ANK3: variants seen among roughly 807,000 people sequenced by gnomAD.
ANK3 encodes the protein ankyrin 3.
In ANK3, 57 loss-of-function variants were observed where a neutral mutation model predicts 370.9. That is an observed-to-expected ratio of 0.15 (90% CI 0.12 to 0.19). The LOEUF is 0.19. Ranked by LOEUF, ANK3 falls within the 10% of genes least tolerant of loss-of-function variation. The pLI is 1.00. For missense variants in ANK3, 4,439 were observed against 5,302.1 expected, an observed-to-expected ratio of 0.84 and a Z score of 5.06; for synonymous variants, 1,929 against 1,946.3, an observed-to-expected ratio of 0.99 and a Z score of 0.23.
intron 2 of ANK3, among the ~76,000 whole-genome samples, chr10:60,413,711 C>G (rs961066666): frequency 2.6e-5 from 4 of 152,054 alleles, no homozygotes; most frequent in Middle Eastern, 3.2e-3. Flanking sequence ...TAAACTAAAA[C>G]AGGTGGGCTG....
chr10:60,228,027 C>T (rs1377044256), intron 8 of ANK3, among the ~76,000 whole-genome samples: 3 of 152,142 alleles, frequency 2.0e-5, no homozygotes, highest in Non-Finnish European at 4.4e-5. Context: ...GATGACTTTT[C>T]CCAGCAGAAG....
intron 1 of ANK3, among the ~76,000 whole-genome samples, chr10:60,630,396 G>T (rs969382114): frequency 2.6e-5 from 4 of 152,154 alleles, no homozygotes; most frequent in African/African-American, 9.7e-5. Context: ...GTTACCAATT[G>T]TTGCTGCAAC....
intron 1 of ANK3, among the ~76,000 whole-genome samples, chr10:60,731,140 C>T (rs1040818782): frequency 6.6e-5 from 10 of 151,978 alleles, no homozygotes; most frequent in African/African-American, 2.4e-4. Context: ...TGCTGAGAGT[C>T]CATAACAATT....
intron 2 of ANK3, among the ~76,000 whole-genome samples, chr10:60,554,546 A>G (rs573936734): frequency 4.1e-4 from 62 of 152,282 alleles, no homozygotes; most frequent in African/African-American, 1.4e-3. Flanking sequence ...TTGTAGCACA[A>G]AAATAAAGGA....
intron 7 of ANK3, among the ~76,000 whole-genome samples, chr10:60,239,795 G>A (rs2097397174): frequency 6.6e-6 from 1 of 151,878 alleles, no homozygotes; most frequent in Non-Finnish European, 1.5e-5. Context: ...TAAAACGTAT[G>A]ACAACAACCA....
intron 21 of ANK3, 108 bp from the exon 22 acceptor site, chr10:60,167,004 T>C: frequency 1.1e-6 from 1 of 903,814 alleles, no homozygotes. Context: ...ATGTGTTGAA[T>C]ATCTTGAATC....
At chr10:60,602,541 C>A (rs2078078384) in intron 2 of ANK3, among the ~76,000 whole-genome samples, 2 of 152,098 alleles carry the variant, frequency 1.3e-5, no homozygotes, top group African/African-American at 4.8e-5. Context: ...ATCATAACCT[C>A]ATTTTAATAT....
At position 60,316,735 on chromosome 10, in the gene ANK3, GTTTTTA is replaced by G. The variant is rs959132525; in HGVS notation, c.115-37102_115-37097del. On this transcript the variant is annotated intron_variant, in intron 1 of 43. Coordinates refer to ENST00000280772, the MANE Select transcript of ANK3 (RefSeq NM_020987.5). Reference sequence around the variant, plus strand: ...TAGTTTAACCATCCATATTCCATATGTTTTTATTTTTATTTTTATTTTTTTTTATTG... The same window carrying G: ...TAGTTTAACCATCCATATTCCATATGTTTTTATTTTTATTTTTTTTTATTG... 9.2e-5 allele frequency among the ~76,000 whole-genome samples: 14 copies of G among 151,834 alleles called. No individual in the cohort carries two copies. The South Asian group carries it at 1.7e-3, about 18-fold the overall frequency.
At chr10:60,550,232 T>A (rs1026598058) in intron 2 of ANK3, among the ~76,000 whole-genome samples, 1 of 151,826 alleles carries the variant, frequency 6.6e-6, no homozygotes, top group Non-Finnish European at 1.5e-5. Context: ...TTTATGATTA[T>A]ATAAATGTAA....
At chr10:60,111,302 A>G (rs1233644069) in intron 26 of ANK3, among the ~76,000 whole-genome samples, 1 of 152,232 alleles carries the variant, frequency 6.6e-6, no homozygotes, top group Non-Finnish European at 1.5e-5. Context: ...TATAGCACAC[A>G]GTACATGGCT....
At chr10:60,720,189 A>G (rs922634536) in intron 1 of ANK3, among the ~76,000 whole-genome samples, 1 of 152,204 alleles carries the variant, frequency 6.6e-6, no homozygotes, top group Non-Finnish European at 1.5e-5. Flanking sequence ...TAGCACAGAT[A>G]TTACACACAC....
rs375424939 is a variant in ANK3 at position 60,181,323 on chromosome 10, G to T, written c.2184+6C>A. ...CTTTTCCGTGTGGCAAGGGAGGGCC[G>T]TATACCTTTGTCTGGGCGTCCACAT... On this transcript the variant is annotated splice_donor_region_variant and intron_variant, in intron 18 of 43. Transcript: ENST00000280772. 27 of 1,613,218 alleles carry T rather than the reference G, an allele frequency of 1.7e-5. No homozygotes were observed. The highest frequency in any genetic ancestry group is 2.2e-5 in the Non-Finnish European group (26 of 1,179,200).
At position 60,469,659 on chromosome 10, in the gene ANK3, G is replaced by GTA. The variant is rs1162173625; in HGVS notation, c.96+145525_96+145526dup. Among the ~76,000 whole-genome samples, 23 of 3,828 alleles carry GTA rather than the reference G, an allele frequency of 6.0e-3. 6 individuals are homozygous for GTA. The highest frequency in any genetic ancestry group is 7.1e-3 in the African/African-American group (8 of 1,122). 2.5% of individuals were successfully genotyped at this position (3,828 alleles called of 152,430 possible). A position where few individuals can be genotyped will look rare whatever the true frequency, so the allele number is the denominator to read the frequency against. ...TATATATATATATATATATATGGTG[G>GTA]TATATATATATATATATATATGGTG... On this transcript the variant is annotated intron_variant, in intron 2 of 43. Coordinates refer to the ANK3 transcript ENST00000373827.
At chr10:60,092,042 T>C (rs1158951840) in intron 28 of ANK3, among the ~76,000 whole-genome samples, 1 of 152,186 alleles carries the variant, frequency 6.6e-6, no homozygotes, top group Non-Finnish European at 1.5e-5. Context: ...TTTGTATATT[T>C]TTATAAGAAA....
At chr10:60,403,634 C>A (rs1337977739) in intron 2 of ANK3, among the ~76,000 whole-genome samples, 1 of 152,100 alleles carries the variant, frequency 6.6e-6, no homozygotes, top group Non-Finnish European at 1.5e-5. Flanking sequence ...GTCGCCCAGG[C>A]CGGAGTGCAG....
chr10:60,252,350 T>A (rs2097681553), intron 7 of ANK3, among the ~76,000 whole-genome samples: 1 of 152,188 alleles, frequency 6.6e-6, no homozygotes, highest in Admixed American at 6.5e-5. Context: ...GCTGGAACAT[T>A]TAGCAGAGCA....
intron 2 of ANK3, among the ~76,000 whole-genome samples, chr10:60,395,629 TC>T (rs1567004834): frequency 7.0e-5 from 9 of 128,424 alleles, no homozygotes; most frequent in African/African-American, 3.1e-4. Flanking sequence ...TCTCTCTCTC[TC>T]TCTCTCTCTC....
intron 1 of ANK3, 89 bp from the exon 2 acceptor site, chr10:60,279,728 A>AAAGAG: frequency 1.1e-6 from 1 of 935,246 alleles, no homozygotes; most frequent in Non-Finnish European, 1.7e-6. Context: ...AACTAAAATA[A>AAAGAG]TTGAACTCTT....
intron 2 of ANK3, among the ~76,000 whole-genome samples, chr10:60,400,774 G>A (rs1461713201): frequency 6.6e-6 from 1 of 152,080 alleles, no homozygotes. Context: ...AGGTAAACGT[G>A]TGCCATGGTG....
Sources: allele counts gnomAD v4.1 joint callset (sites outside exome capture counted in the v4.1 genomes callset), GRCh38; gene constraint gnomAD v4.1.1; transcripts MANE v1.5; gene names NCBI Gene and HGNC (gene_info 2026-07-23, HGNC 2026-07-21).